GSAP: variants seen among roughly 807,000 people sequenced by gnomAD.
GSAP encodes gamma-secretase-activating protein.
In GSAP, 118 loss-of-function variants were observed where a neutral mutation model predicts 131.7. The ratio of observed to expected loss-of-function variants is 0.90; its 90% CI spans 0.77 to 1.04. The LOEUF is 1.04. Among genes scored for constraint, GSAP ranks in the 50% least tolerant of loss-of-function variants. GSAP has a pLI of 0.00. For synonymous variants in GSAP, 381 were observed against 363.4 expected (o/e 1.05, Z -0.55); for missense variants, 1,019 against 1,013.2 (o/e 1.01, Z -0.08).
chr7:77,343,199 T>C (rs1340787618), intron 19 of GSAP, among the ~76,000 whole-genome samples: 3 of 152,208 alleles, frequency 2.0e-5, no homozygotes, highest in Admixed American at 2.0e-4. Context: ...TTAATACTTT[T>C]AGAGGCCCTC....
intron 19 of GSAP, among the ~76,000 whole-genome samples, chr7:77,347,338 G>A (rs1423434447): frequency 6.6e-6 from 1 of 152,130 alleles, no homozygotes; most frequent in Non-Finnish European, 1.5e-5. Context: ...CCTGTTATCT[G>A]GGGGTGTGGA....
chr7:77,339,977 G>C (rs1790659047), intron 19 of GSAP, among the ~76,000 whole-genome samples: 1 of 152,146 alleles, frequency 6.6e-6, no homozygotes, highest in Non-Finnish European at 1.5e-5. Context: ...CATATCCCCT[G>C]TGACCTACAC....
intron 14 of GSAP, among the ~76,000 whole-genome samples, chr7:77,360,267 A>G (rs1794336949): frequency 6.6e-6 from 1 of 152,202 alleles, no homozygotes; most frequent in African/African-American, 2.4e-5. Flanking sequence ...TGGCATGGAA[A>G]AGCAGCTTTC....
At chr7:77,348,316 A>G (rs1792217731) in intron 19 of GSAP, among the ~76,000 whole-genome samples, 1 of 152,206 alleles carries the variant, frequency 6.6e-6, no homozygotes, top group Non-Finnish European at 1.5e-5. Flanking sequence ...CTTCATCTTC[A>G]TATGTTAGTA....
At chr7:77,410,449 AAGTCC>A (rs1219910473) in intron 1 of GSAP, among the ~76,000 whole-genome samples, 12 of 152,214 alleles carry the variant, frequency 7.9e-5, no homozygotes, top group Admixed American at 7.9e-4. Context: ...CATCACTGGA[AAGTCC>A]AGAGGAAGAA....
At chr7:77,331,929 A>T in intron 19 of GSAP, 1 of 151,296 alleles carries the variant, frequency 6.6e-6, no homozygotes. Flanking sequence ...CAAATCCTGC[A>T]GACGTTTGAT....
At chr7:77,389,222 ATGCG>A (rs1363643010) in intron 5 of GSAP, among the ~76,000 whole-genome samples, 4 of 151,414 alleles carry the variant, frequency 2.6e-5, no homozygotes, top group East Asian at 1.9e-4. Flanking sequence ...ACCTAAAAGT[ATGCG>A]TGTGTGTATG....
intron 7 of GSAP, 131 bp downstream of exon 7, chr7:77,382,443 C>T (rs1286622461): frequency 1.2e-5 from 7 of 576,956 alleles, no homozygotes; most frequent in Admixed American, 2.6e-5. Flanking sequence ...TTCCAGGTCT[C>T]ATATGGACAT....
At chr7:77,319,387 C>A (rs1251617613) in intron 26 of GSAP, among the ~76,000 whole-genome samples, 2 of 152,162 alleles carry the variant, frequency 1.3e-5, no homozygotes, top group Non-Finnish European at 2.9e-5. Flanking sequence ...TATCAAAAAA[C>A]CACAATTTAA....
chr7:77,345,135 C>A (rs1040503935), intron 19 of GSAP, among the ~76,000 whole-genome samples: 1 of 152,190 alleles, frequency 6.6e-6, no homozygotes, highest in Non-Finnish European at 1.5e-5. Context: ...CCTTTAATAT[C>A]TGTTTTTCTC....
At chr7:77,311,489 CATGGGTCCGTGAAACATTTAT>C (rs1794348846) in intron 30 of GSAP, 40 bp from the exon 31 acceptor site, 3 of 1,002,848 alleles carry the variant, frequency 3.0e-6, no homozygotes, top group Non-Finnish European at 4.8e-6. Context: ...AAAGGGTTAC[CATGGGTCCGTGAAACATTTAT>C]AACTTTGTGC....
intron 10 of GSAP, 26 bp downstream of exon 10, chr7:77,376,822 G>A: frequency 9.1e-7 from 1 of 1,095,806 alleles, no homozygotes; most frequent in African/African-American, 1.7e-5. Context: ...AAACTTTCCT[G>A]TAGTGTGATC....
intron 3 of GSAP, among the ~76,000 whole-genome samples, chr7:77,399,214 C>A (rs1042021598): frequency 5.9e-5 from 9 of 152,214 alleles, no homozygotes; most frequent in Admixed American, 5.2e-4. Flanking sequence ...ATCAAAAAAT[C>A]TTCCCCAAAC....
chr7:77,314,026 T>G (rs73703324), intron 27 of GSAP, among the ~76,000 whole-genome samples: 6,226 of 152,210 alleles, frequency 0.041, 436 homozygotes, highest in African/African-American at 0.14. Context: ...AGTGCCCTCT[T>G]GCACAGAAAA....
intron 1 of GSAP, among the ~76,000 whole-genome samples, chr7:77,413,349 G>T (rs1301560992): frequency 6.6e-6 from 1 of 152,236 alleles, no homozygotes; most frequent in Non-Finnish European, 1.5e-5. Context: ...CCAAAAGGAA[G>T]TGAAGTTGGG....
chr7:77,381,364 A>C lies in GSAP; in HGVS notation c.527-10T>G. On this transcript the variant is annotated splice_polypyrimidine_tract_variant and intron_variant, in intron 7 of 30. Transcript: ENST00000257626. Reference sequence around the variant, plus strand: ...CGAAATTGTTCAATATCTTTAAAAGAAAAACAAAGAAAGATAATTTAACCT... The same window carrying C: ...CGAAATTGTTCAATATCTTTAAAAGCAAAACAAAGAAAGATAATTTAACCT... 2.1e-6 allele frequency: 3 copies of C among 1,419,042 alleles called. No individual in the cohort carries two copies. The highest frequency in any genetic ancestry group is 2.9e-6 in the Non-Finnish European group (3 of 1,025,944). The allele number at this position is 1,419,042 out of a possible 1,614,324, so 87.9% of individuals were successfully genotyped here. A position where few individuals can be genotyped will look rare whatever the true frequency, so the allele number is the denominator to read the frequency against.
At position 77,320,859 on chromosome 7, in the gene GSAP, T is replaced by C. The variant is rs755059341; in HGVS notation, c.1995-40A>G. The C allele has an allele frequency of 7.6e-6, 9 of 1,187,576 alleles. No homozygotes were observed. The South Asian group carries it at 1.1e-4, about 14-fold the overall frequency. 73.6% of individuals were successfully genotyped at this position (1,187,576 alleles called of 1,614,324 possible). A position where few individuals can be genotyped will look rare whatever the true frequency, so the allele number is the denominator to read the frequency against. On this transcript the variant is annotated intron_variant, in intron 25 of 30. Transcript: ENST00000257626. ...CAAAGCAGCATGTCAGCCAAGGAGC[T>C]CATCTGTGATGCTCCATTTGTCCTA...
chr7:77,408,537 A>G (rs116083940), intron 1 of GSAP, among the ~76,000 whole-genome samples: 5,079 of 151,816 alleles, frequency 0.033, 288 homozygotes, highest in African/African-American at 0.12. Flanking sequence ...AATCTCTACT[A>G]AAAAATACAG....
At chr7:77,386,911 GAGC>G (rs904387810) in intron 6 of GSAP, among the ~76,000 whole-genome samples, 14 of 152,280 alleles carry the variant, frequency 9.2e-5, no homozygotes, top group Middle Eastern at 3.4e-3. Context: ...TAAATTTTAG[GAGC>G]AGCAGAATAT....
Sources: allele counts gnomAD v4.1 joint callset (sites outside exome capture counted in the v4.1 genomes callset), GRCh38; gene constraint gnomAD v4.1.1; transcripts MANE v1.5; gene names NCBI Gene and HGNC (gene_info 2026-07-23, HGNC 2026-07-21).